The following NPAS3 variants were observed in gnomAD, a reference collection of about 807,000 sequenced individuals.
The protein encoded by NPAS3 is neuronal PAS domain protein 3, also known as neuronal PAS domain-containing protein 3.
A neutral mutation model predicts 73.1 loss-of-function variants in NPAS3; 14 were observed. The ratio of observed to expected loss-of-function variants is 0.19; its 90% confidence interval spans 0.13 to 0.30. The LOEUF is 0.30. Ranked by LOEUF, NPAS3 falls within the 10% of genes least tolerant of loss-of-function variation. NPAS3 has a pLI of 1.00. For missense variants in NPAS3, 1,096 were observed against 1,250.0 expected (o/e 0.88, Z 1.86); for synonymous variants, 620 against 541.5 (o/e 1.14, Z -2.01).
At chr14:33,623,780 T>C (rs1229170300) in intron 5 of NPAS3, among the ~76,000 whole-genome samples, 1 of 152,208 alleles carries the variant, frequency 6.6e-6, no homozygotes, top group Non-Finnish European at 1.5e-5. Context: ...CCATCCTGCC[T>C]CCTCACTGGG....
At chr14:33,748,304 T>C (rs970026001) in intron 7 of NPAS3, among the ~76,000 whole-genome samples, 1 of 152,168 alleles carries the variant, frequency 6.6e-6, no homozygotes, top group Non-Finnish European at 1.5e-5. Context: ...GATAAGATGA[T>C]ACTATAACTT....
chr14:33,802,628 T>C (rs1481839520), downstream of NPAS3: 1 of 152,332 alleles, frequency 6.6e-6, no homozygotes, highest in Non-Finnish European at 1.5e-5. Context: ...CTATATGCAG[T>C]ATATACTAAG....
rs59883011 is a variant in NPAS3, at chr14:33,177,109, T to C, written c.141-38073T>C. 1.8e-3 allele frequency among the ~76,000 whole-genome samples: 268 copies of C among 145,142 alleles called. 1 individual carries two copies. Among genetic ancestry groups the C allele is most frequent in the African/African-American group, 6.4e-3 (248 of 39,012 alleles). On this transcript the variant is annotated intron_variant, in intron 2 of 11. Coordinates refer to ENST00000356141, the Ensembl canonical transcript of NPAS3. ...TTATTATTATTATTATTATTATTATTATCTTTGAGACAGAGTCTTGCTCTG... is the reference window on the plus strand; with the variant it reads ...TTATTATTATTATTATTATTATTATCATCTTTGAGACAGAGTCTTGCTCTG...
chr14:32,935,115 C>A, upstream of NPAS3: 1 of 464,086 alleles, frequency 2.2e-6, no homozygotes, highest in Non-Finnish European at 3.0e-6. Context: ...TGCCAGGGCT[C>A]ACTTTGCCTG....
chr14:33,043,761 T>G (rs372646859), intron 1 of NPAS3, among the ~76,000 whole-genome samples: 1 of 151,754 alleles, frequency 6.6e-6, no homozygotes, highest in Non-Finnish European at 1.5e-5. Flanking sequence ...TTCCAGTTAA[T>G]AATCAGAGCA....
At chr14:33,412,467 G>T (rs1047706136) in intron 4 of NPAS3, among the ~76,000 whole-genome samples, 7 of 152,090 alleles carry the variant, frequency 4.6e-5, no homozygotes, top group Non-Finnish European at 8.8e-5. Flanking sequence ...GAATATCTTT[G>T]CTCTGTAGCT....
At chr14:33,068,729 G>T (rs1315514883) in intron 2 of NPAS3, among the ~76,000 whole-genome samples, 3 of 152,210 alleles carry the variant, frequency 2.0e-5, no homozygotes, top group African/African-American at 7.2e-5. Context: ...TTAAAAGAAA[G>T]ATGACATTTG....
chr14:33,071,086 A>G (rs568661274), intron 2 of NPAS3, among the ~76,000 whole-genome samples: 1 of 152,294 alleles, frequency 6.6e-6, no homozygotes, highest in East Asian at 1.9e-4. Flanking sequence ...ACTTACCCCC[A>G]TGACACATTT....
intron 1 of NPAS3, among the ~76,000 whole-genome samples, chr14:33,027,212 G>A (rs2039835823): frequency 6.6e-6 from 1 of 152,192 alleles, no homozygotes; most frequent in Admixed American, 6.5e-5. Context: ...TTTTTCTGGG[G>A]CTGAATTGAG....
At chr14:33,026,937 A>T (rs1157354559) in intron 1 of NPAS3, among the ~76,000 whole-genome samples, 1 of 152,040 alleles carries the variant, frequency 6.6e-6, no homozygotes, top group African/African-American at 2.4e-5. Flanking sequence ...TATGGAGTTT[A>T]GCAAGGCTTA....
intron 4 of NPAS3, among the ~76,000 whole-genome samples, chr14:33,461,233 T>C (rs10872877): frequency 0.73 from 110,474 of 152,110 alleles, 40,582 homozygotes; most frequent in Non-Finnish European, 0.77. Context: ...AGGAATTCAG[T>C]GCTGAGCTAG....
At chr14:33,364,128 T>C (rs2045731254) in intron 3 of NPAS3, among the ~76,000 whole-genome samples, 1 of 152,188 alleles carries the variant, frequency 6.6e-6, no homozygotes, top group South Asian at 2.1e-4. Flanking sequence ...ACTGTCAATT[T>C]CCAAAATACA....
chr14:33,647,269 ACTCTCT>A (rs536728235), intron 5 of NPAS3, among the ~76,000 whole-genome samples: 40 of 148,158 alleles, frequency 2.7e-4, no homozygotes, highest in African/African-American at 8.0e-4. Flanking sequence ...ACATCTTCTT[ACTCTCT>A]CTCTCTCTCT....
intron 2 of NPAS3, among the ~76,000 whole-genome samples, chr14:33,073,595 T>C (rs1458120881): frequency 2.6e-5 from 4 of 152,126 alleles, no homozygotes; most frequent in Non-Finnish European, 5.9e-5. Flanking sequence ...AACTTAAAGC[T>C]GGCCCGTGAA....
chr14:33,041,610 G>A (rs74041768), intron 1 of NPAS3, among the ~76,000 whole-genome samples: 220 of 152,226 alleles, frequency 1.4e-3, no homozygotes, highest in African/African-American at 5.2e-3. Flanking sequence ...GAAACACTAG[G>A]GGTTTGGTCT....
At chr14:33,362,536 G>C (rs149657388) in intron 3 of NPAS3, among the ~76,000 whole-genome samples, 161 of 152,172 alleles carry the variant, frequency 1.1e-3, no homozygotes, top group African/African-American at 3.8e-3. Flanking sequence ...TTTCTCAGCC[G>C]CTGGCTTTGC....
chr14:33,694,372 T>G (rs2060316412), intron 6 of NPAS3, among the ~76,000 whole-genome samples: 1 of 152,174 alleles, frequency 6.6e-6, no homozygotes, highest in Non-Finnish European at 1.5e-5. Context: ...CTGTCAATCT[T>G]AATTAAATGA....
intron 5 of NPAS3, among the ~76,000 whole-genome samples, chr14:33,597,913 A>C (rs980456292): frequency 6.6e-6 from 1 of 152,232 alleles, no homozygotes; most frequent in African/African-American, 2.4e-5. Flanking sequence ...AGCCTATCTG[A>C]AAATTCATAG....
intron 1 of NPAS3, among the ~76,000 whole-genome samples, chr14:32,999,560 C>G (rs1047286094): frequency 1.3e-5 from 2 of 151,654 alleles, no homozygotes; most frequent in African/African-American, 4.8e-5. Context: ...GTTGCATTTT[C>G]TAAATGATTA....
Sources: gnomAD v4.1 joint callset for allele counts (sites outside exome capture counted in the v4.1 genomes callset) on GRCh38, gnomAD v4.1.1 for gene constraint, MANE v1.5 for transcripts, NCBI Gene and HGNC (gene_info 2026-07-23, HGNC 2026-07-21) for gene names.